TMEM131: variants seen among roughly 807,000 people sequenced by gnomAD.
TMEM131 encodes the protein transmembrane protein 131.
TMEM131 carries 66 observed loss-of-function variants against 211.6 expected under a neutral mutation model. That is an observed-to-expected ratio of 0.31 (90% confidence interval 0.26 to 0.38). The LOEUF (loss-of-function observed/expected upper bound fraction) is 0.38, where lower values mean the gene tolerates loss of function less well. Among genes scored for constraint, TMEM131 ranks in the 10% least tolerant of loss-of-function variants. The pLI, the probability that TMEM131 is intolerant of heterozygous loss-of-function variation, is 1.00. For missense variants in TMEM131, 2,036 were observed against 2,299.3 expected, an observed-to-expected ratio of 0.89 and a Z score of 2.34; for synonymous variants, 844 against 841.3, an observed-to-expected ratio of 1.00 and a Z score of -0.06.
intron 1 of TMEM131, among the ~76,000 whole-genome samples, chr2:97,974,132 A>G (rs1055540587): frequency 6.6e-6 from 1 of 152,238 alleles, no homozygotes; most frequent in African/African-American, 2.4e-5. Context: ...TCAAAAAGTT[A>G]AGTAGAGAGA....
At chr2:97,957,267 A>G (rs1010417451) in intron 1 of TMEM131, among the ~76,000 whole-genome samples, 4 of 152,238 alleles carry the variant, frequency 2.6e-5, no homozygotes, top group Admixed American at 6.5e-5. Context: ...AAAGCAAAGA[A>G]ACAAAAATTT....
intron 31 of TMEM131, among the ~76,000 whole-genome samples, chr2:97,776,770 C>T (rs1679755085): frequency 6.6e-6 from 1 of 152,198 alleles, no homozygotes; most frequent in Non-Finnish European, 1.5e-5. Flanking sequence ...TTTAGGGGCG[C>T]TAAGAGTCCC....
intron 1 of TMEM131, among the ~76,000 whole-genome samples, chr2:97,952,574 A>G (rs772263365): frequency 2.6e-5 from 4 of 152,168 alleles, no homozygotes; most frequent in African/African-American, 7.2e-5. Context: ...GAACTGAAAC[A>G]TAAGTACTGT....
chr2:97,785,946 C>T (rs1680228979), intron 31 of TMEM131, among the ~76,000 whole-genome samples: 1 of 152,162 alleles, frequency 6.6e-6, no homozygotes, highest in Non-Finnish European at 1.5e-5. Context: ...CTATTAATCT[C>T]CTCCATTTCT....
At chr2:97,974,397 GGGAGGA>G (rs141602131) in intron 1 of TMEM131, among the ~76,000 whole-genome samples, 3 of 151,802 alleles carry the variant, frequency 2.0e-5, no homozygotes, top group East Asian at 1.9e-4. Context: ...AAATGGGGTT[GGGAGGA>G]GGAGGAGGAG....
chr2:97,929,164 G>A (rs1044397293), intron 1 of TMEM131, among the ~76,000 whole-genome samples: 7 of 151,394 alleles, frequency 4.6e-5, no homozygotes, highest in African/African-American at 1.7e-4. Context: ...CTATAGTGCC[G>A]GAAAGTAAAA....
At chr2:97,886,496 T>C (rs1189158838) in intron 4 of TMEM131, among the ~76,000 whole-genome samples, 2 of 152,158 alleles carry the variant, frequency 1.3e-5, no homozygotes, top group African/African-American at 4.8e-5. Flanking sequence ...TGTGTCTAGG[T>C]GGGCACTGTA....
At chr2:97,823,343 TAAAGCAGATC>T (rs1439045008) in intron 11 of TMEM131, among the ~76,000 whole-genome samples, 3 of 152,162 alleles carry the variant, frequency 2.0e-5, no homozygotes, top group African/African-American at 4.8e-5. Flanking sequence ...CTCTCTGATT[TAAAGCAGATC>T]AAGGCAGACC....
Position 97,792,583 on chromosome 2 carries a change from G to GCT in TMEM131, c.3946_3947insAG (p.Pro1316GlnfsTer37). 6.2e-7 allele frequency: 1 copy of GCT among 1,612,408 alleles called. No homozygotes were observed. Among genetic ancestry groups the GCT allele is most frequent in the Non-Finnish European group, 8.5e-7 (1 of 1,179,116 alleles). ...GGCGGGAGACAGCCTTTCAGGCTGC[G>GCT]GCTCCTGGGGCTGAGGCACTGGCGG... On this transcript the variant is annotated frameshift_variant, in exon 31 of 41. Coordinates refer to ENST00000186436, the MANE Select transcript of TMEM131 (RefSeq NM_015348.2). LOFTEE classifies it high-confidence loss of function.
chr2:97,929,350 T>C (rs1677122477), intron 1 of TMEM131, among the ~76,000 whole-genome samples: 1 of 151,756 alleles, frequency 6.6e-6, no homozygotes. Context: ...TGCTATAAAT[T>C]GCTGAATAAA....
At chr2:97,867,238 C>T (rs1674310296) in intron 4 of TMEM131, among the ~76,000 whole-genome samples, 1 of 152,164 alleles carries the variant, frequency 6.6e-6, no homozygotes, top group South Asian at 2.1e-4. Flanking sequence ...ATATCTTTAT[C>T]TTCTGCCTAG....
chr2:97,760,606 C>G lies in TMEM131; in HGVS notation c.5095G>C (p.Asp1699His). 1 of 1,611,252 alleles carries G rather than the reference C, an allele frequency of 6.2e-7. No homozygotes were observed. The highest frequency in any genetic ancestry group is 2.2e-5 in the East Asian group (1 of 44,814). Residue 1699 changes from aspartate to histidine, a missense_variant, in exon 38 of 41, where the codon GAT (aspartate) becomes CAT (histidine). Physicochemically the swap from Asp to His is moderately conservative, Grantham distance 81 (BLOSUM62 -1). Around this residue, in one of 3 missense-constraint regions of TMEM131, gnomAD observed 1,623 missense variants for 1,805.9 expected, o/e 0.90. Coordinates refer to ENST00000186436, the MANE Select transcript of TMEM131 (RefSeq NM_015348.2). ...LGISHAPVDS[D>H]GSDSSGLWSP... ...GGTCTACCGTACCTGTCTGAGCCAT[C>G]GCTGTCAACAGGAGCGTGTGAAATG...
chr2:97,816,562 C>T (rs1681837251), intron 12 of TMEM131, among the ~76,000 whole-genome samples: 1 of 152,082 alleles, frequency 6.6e-6, no homozygotes, highest in African/African-American at 2.4e-5. Flanking sequence ...CAAAAAAGAA[C>T]AAGGAAATGG....
chr2:97,783,478 G>C (rs932101638), intron 31 of TMEM131, among the ~76,000 whole-genome samples: 14 of 152,062 alleles, frequency 9.2e-5, no homozygotes, highest in Non-Finnish European at 1.6e-4. Context: ...AATGTATGTA[G>C]AGGAAATATT....
intron 5 of TMEM131, among the ~76,000 whole-genome samples, chr2:97,849,104 AACACTGT>A (rs1301048929): frequency 6.6e-6 from 1 of 152,186 alleles, no homozygotes; most frequent in Non-Finnish European, 1.5e-5. Flanking sequence ...AAAATGGCCT[AACACTGT>A]ACACCTAGCT....
At chr2:97,976,240 G>A (rs1215418457) in intron 1 of TMEM131, among the ~76,000 whole-genome samples, 1 of 151,956 alleles carries the variant, frequency 6.6e-6, no homozygotes, top group Non-Finnish European at 1.5e-5. Flanking sequence ...TATCCAGACT[G>A]GAAAAAAACG....
chr2:97,792,484 C>T lies in TMEM131; in HGVS notation c.4046G>A (p.Ser1349Asn). The part of the protein sequence containing the change: ...RHSSEDSDIT[S>N]LIEAMDKDFD... ...GTCTTTGTCCATGGCTTCTATGAGACTGGTGATGTCCGAGTCCTCGGAACT... is the reference window on the plus strand; with the variant it reads ...GTCTTTGTCCATGGCTTCTATGAGATTGGTGATGTCCGAGTCCTCGGAACT... Residue 1349 changes from serine to asparagine, a missense_variant, in exon 31 of 41, where the codon AGT (serine) becomes AAT (asparagine). Ser to Asn is a conservative substitution (Grantham distance 46). Around this residue, in one of 3 missense-constraint regions of TMEM131, gnomAD observed 1,623 missense variants for 1,805.9 expected, o/e 0.90. Transcript: ENST00000186436. 2 of 1,613,738 alleles carry T rather than the reference C, an allele frequency of 1.2e-6. No individual in the cohort carries two copies. The highest frequency in any genetic ancestry group is 4.5e-5 in the East Asian group (2 of 44,856).
chr2:97,950,042 C>T (rs1042965291), intron 1 of TMEM131, among the ~76,000 whole-genome samples: 1 of 152,112 alleles, frequency 6.6e-6, no homozygotes, highest in African/African-American at 2.4e-5. Context: ...CTGAGAAACA[C>T]ATCACTATGT....
Position 97,888,134 on chromosome 2 carries a change from G to T in TMEM131, c.291-14C>A. ...TAGAGAGATATACTGTAAATAAAAA[G>T]AAAACAACATAAGAAGCAATTCTTC... On this transcript the variant is annotated splice_polypyrimidine_tract_variant and intron_variant, in intron 3 of 40. Coordinates refer to ENST00000186436, the MANE Select transcript of TMEM131 (RefSeq NM_015348.2). The T allele has an allele frequency of 2.5e-6, 4 of 1,604,142 alleles. No individual in the cohort carries two copies. Among genetic ancestry groups the T allele is most frequent in the Non-Finnish European group, 3.4e-6 (4 of 1,172,954 alleles).
Sources: allele counts gnomAD v4.1 joint callset (sites outside exome capture counted in the v4.1 genomes callset), GRCh38; gene constraint gnomAD v4.1.1; regional missense constraint gnomAD v4.1.1; transcripts MANE v1.5; gene names NCBI Gene and HGNC (gene_info 2026-07-23, HGNC 2026-07-21).